Variants in BTNL8 observed in about 807,000 individuals in gnomAD.
BTNL8 encodes the protein butyrophilin-like protein 8.
A neutral mutation model predicts 36.1 loss-of-function variants in BTNL8; 22 were observed. The observed-to-expected ratio is 0.61, with a 90% CI of 0.44 to 0.87. The LOEUF is 0.87. Ranked by LOEUF, BTNL8 falls within the 40% of genes least tolerant of loss-of-function variation. BTNL8 has a pLI of 0.00. For synonymous variants in BTNL8, 203 were observed against 235.6 expected, an observed-to-expected ratio of 0.86 and a Z score of 1.27; for missense variants, 526 against 616.9, an observed-to-expected ratio of 0.85 and a Z score of 1.56.
chr5:180,942,846 T>C (rs575825443), intron 3 of BTNL8, among the ~76,000 whole-genome samples: 32 of 152,104 alleles, frequency 2.1e-4, no homozygotes, highest in African/African-American at 6.5e-4. Flanking sequence ...GAAGAAAACA[T>C]AGGAAAAATG....
chr5:180,922,641 T>C (rs865862329), intron 3 of BTNL8, among the ~76,000 whole-genome samples: 99 of 90,640 alleles, frequency 1.1e-3, no homozygotes, highest in African/African-American at 5.3e-3. Context: ...GTATGTGCTA[T>C]GTAGTGATAA....
At chr5:180,923,583 C>T (rs1222422727) in intron 3 of BTNL8, among the ~76,000 whole-genome samples, 1 of 151,836 alleles carries the variant, frequency 6.6e-6, no homozygotes, top group Non-Finnish European at 1.5e-5. Flanking sequence ...GAGGTTTAAA[C>T]CCAGGAACTT....
intron 4 of BTNL8, 44 bp downstream of exon 4, chr5:180,947,669 T>A (rs758892520): frequency 3.4e-5 from 55 of 1,614,186 alleles, no homozygotes; most frequent in Non-Finnish European, 4.4e-5. Flanking sequence ...TATTCATGGT[T>A]CCAGCAGGGA....
chr5:180,937,533 A>T (rs941967628), intron 3 of BTNL8, among the ~76,000 whole-genome samples: 1 of 152,116 alleles, frequency 6.6e-6, no homozygotes, highest in African/African-American at 2.4e-5. Context: ...CTAGAAAAAT[A>T]AAAAAAAGAA....
chr5:180,908,476 T>A (rs149686683), intron 1 of BTNL8, 110 bp from the exon 2 acceptor site: 16,344 of 1,015,694 alleles, frequency 0.016, 160 homozygotes, highest in Middle Eastern at 0.027. Context: ...ATGTTCTGCG[T>A]CGCTCACTCT....
chr5:180,900,456 G>A (rs1756777883), intron 1 of BTNL8, among the ~76,000 whole-genome samples: 1 of 152,194 alleles, frequency 6.6e-6, no homozygotes, highest in Admixed American at 6.5e-5. Context: ...CAACAGTCTT[G>A]TTCCTTTCTT....
intron 3 of BTNL8, among the ~76,000 whole-genome samples, chr5:180,928,063 A>C (rs988003695): frequency 6.6e-6 from 1 of 152,176 alleles, no homozygotes; most frequent in African/African-American, 2.4e-5. Flanking sequence ...TGAAAGAAAA[A>C]ATGTTAAGGG....
At position 180,899,274 on chromosome 5, in the gene BTNL8, G is replaced by A. The variant is rs147078601; in HGVS notation, c.-37G>A. The A allele has an allele frequency of 2.4e-3, 3,917 of 1,611,048 alleles. 32 individuals carry two copies. Among genetic ancestry groups the A allele is most frequent in the Middle Eastern group, 0.012 (75 of 6,060 alleles). On this transcript the variant is annotated 5_prime_UTR_variant, in exon 1 of 8. Coordinates refer to ENST00000340184, the MANE Select transcript of BTNL8 (RefSeq NM_001040462.3). The stretch of plus-strand genomic sequence containing the variant: ...CCATCCGTCACCTCTCCTGTCATCC[G>A]TTTCCATGCCGTGAGGTCCATTCAC...
At chr5:180,905,867 A>AT (rs1379162557) in intron 1 of BTNL8, among the ~76,000 whole-genome samples, 3 of 150,898 alleles carry the variant, frequency 2.0e-5, no homozygotes, top group Non-Finnish European at 2.9e-5. Flanking sequence ...TTCTAGTTTG[A>AT]TTGCACTGTG....
chr5:180,927,910 C>A (rs556372642), intron 3 of BTNL8, among the ~76,000 whole-genome samples: 1 of 152,222 alleles, frequency 6.6e-6, no homozygotes, highest in African/African-American at 2.4e-5. Flanking sequence ...AAAAGATTCT[C>A]CAGGATACTA....
intron 3 of BTNL8, among the ~76,000 whole-genome samples, chr5:180,916,559 T>C (rs530165451): frequency 1.3e-5 from 2 of 151,938 alleles, no homozygotes; most frequent in South Asian, 4.2e-4. Flanking sequence ...ATAAGTAAAA[T>C]TGACAAGCCT....
chr5:180,939,807 A>G (rs1386238886), intron 3 of BTNL8, among the ~76,000 whole-genome samples: 2 of 152,238 alleles, frequency 1.3e-5, no homozygotes, highest in African/African-American at 4.8e-5. Flanking sequence ...TCATCAGCAC[A>G]TGGAATATTC....
intron 1 of BTNL8, among the ~76,000 whole-genome samples, chr5:180,905,520 AT>A (rs1426871725): frequency 7.0e-4 from 64 of 92,016 alleles, no homozygotes; most frequent in African/African-American, 3.6e-3. Flanking sequence ...TTGTGTCTCT[AT>A]TTCCTTCAGT....
rs77209167 is a variant in BTNL8 at position 180,908,923 on chromosome 5, A to G, written c.387A>G (p.Leu129=). Residue 129 remains leucine (L), a synonymous_variant, in exon 2 of 8, where the codon CTA becomes CTG. Transcript: ENST00000340184. The part of the protein sequence containing the change: ...QSYYQKAIWE[L]QVSALGSVPL... ...ACTACCAGAAGGCCATCTGGGAGCT[A>G]CAGGTGTCAGGTCAGTTTCATATTT... 10 of 1,612,468 alleles carry G rather than the reference A, an allele frequency of 6.2e-6. No homozygotes were observed. The East Asian group carries it at 2.2e-4, about 36-fold the overall frequency.
intron 3 of BTNL8, among the ~76,000 whole-genome samples, chr5:180,946,861 C>T (rs1029186214): frequency 1.3e-5 from 2 of 151,946 alleles, no homozygotes; most frequent in Non-Finnish European, 2.9e-5. Context: ...AGAGTCACAC[C>T]GTACCCATTA....
chr5:180,899,387 C>A (rs142738070), intron 1 of BTNL8, 28 bp downstream of exon 1: 4 of 1,599,772 alleles, frequency 2.5e-6, no homozygotes, highest in Middle Eastern at 3.3e-4. Flanking sequence ...TTCCTCCTTA[C>A]TAACTAACAG....
intron 4 of BTNL8, 98 bp downstream of exon 4, chr5:180,947,723 A>G: frequency 2.5e-6 from 4 of 1,614,232 alleles, no homozygotes; most frequent in Non-Finnish European, 3.4e-6. Context: ...CTCTTCTTCT[A>G]GTCCTAGCCT....
At chr5:180,941,264 C>T (rs1758937438) in intron 3 of BTNL8, among the ~76,000 whole-genome samples, 1 of 152,094 alleles carries the variant, frequency 6.6e-6, no homozygotes, top group South Asian at 2.1e-4. Context: ...ACTAGAAAAC[C>T]TAATCAGACT....
intron 3 of BTNL8, 150 bp downstream of exon 3, chr5:180,911,764 T>C: frequency 2.4e-6 from 2 of 840,126 alleles, no homozygotes; most frequent in East Asian, 2.7e-5. Context: ...GATGTAAAAG[T>C]AAAGTTATAA....
Sources: gnomAD v4.1 joint callset for allele counts (sites outside exome capture counted in the v4.1 genomes callset) on GRCh38, gnomAD v4.1.1 for gene constraint, MANE v1.5 for transcripts, NCBI Gene and HGNC (gene_info 2026-07-23, HGNC 2026-07-21) for gene names.